TMEM11: variants seen among roughly 807,000 people sequenced by gnomAD.
TMEM11 encodes the protein transmembrane protein 11, mitochondrial.
TMEM11 carries 1 observed loss-of-function variant against 17.0 expected under a neutral mutation model. The ratio of observed to expected loss-of-function variants is 0.06; its 90% CI spans 0.02 to 0.28. TMEM11 has a LOEUF of 0.28. TMEM11 is among the 10% of genes least tolerant of loss of function. The probability of loss-of-function intolerance (pLI) is 1.00; values close to 1 mark genes in which losing one functional copy is unlikely to be tolerated. For synonymous variants in TMEM11, 122 were observed against 118.1 expected, an observed-to-expected ratio of 1.03 and a Z score of -0.21; for missense variants, 172 against 252.9, an observed-to-expected ratio of 0.68 and a Z score of 2.17.
Position 21,198,451 on chromosome 17 carries a change from A to T in TMEM11, c.452T>A (p.Leu151His). The T allele has an allele frequency of 6.2e-7, 1 of 1,614,180 alleles. No homozygotes were observed. The highest frequency in any genetic ancestry group is 8.5e-7 in the Non-Finnish European group (1 of 1,180,042). ...CAGCACCACCGGGGTGGAGGAGGTG[A>T]GTGTGTGCAGAGGCAGGCGCGACAG... ...YKLSRLPLHT[L>H]TSSTPVVLVR... Residue 151 changes from leucine to histidine, a missense_variant, in exon 2 of 2, where the codon CTC (leucine) becomes CAC (histidine). Leu to His is a moderately conservative substitution (Grantham distance 99, BLOSUM62 -3). Coordinates refer to ENST00000317635, the MANE Select transcript of TMEM11 (RefSeq NM_003876.3). The surrounding 1 kb of genome is among the most constrained non-coding windows in gnomAD (Gnocchi z 6.5).
chr17:21,201,247 A>G (rs1006061943), intron 1 of TMEM11, among the ~76,000 whole-genome samples: 2 of 152,270 alleles, frequency 1.3e-5, no homozygotes, highest in African/African-American at 4.8e-5. Flanking sequence ...CCACTTTCAT[A>G]AAAGGCACTG....
rs373174342 is a variant in TMEM11, at chr17:21,198,652, G to A, written c.251C>T (p.Thr84Met). 16 of 1,613,960 alleles carry A rather than the reference G, an allele frequency of 9.9e-6. No individual in the cohort carries two copies. The Admixed American group carries it at 1.0e-4, about 10-fold the overall frequency. Residue 84 changes from threonine to methionine, a missense_variant, in exon 2 of 2, where the codon ACG becomes ATG. This residue lies in a region of TMEM11 where 123 missense variants were observed against 213.6 expected (regional missense o/e 0.58). Coordinates refer to ENST00000317635, the MANE Select transcript of TMEM11 (RefSeq NM_003876.3). The surrounding 1 kb of genome is among the most constrained non-coding windows in gnomAD (Gnocchi z 6.5). ...WITVGNCLHK[T>M]AVLAGTACLF... Reference sequence around the variant, plus strand: ...GCAGGCGGTGCCCGCCAGCACGGCCGTCTTGTGCAGGCAGTTGCCCACGGT... The same window carrying A: ...GCAGGCGGTGCCCGCCAGCACGGCCATCTTGTGCAGGCAGTTGCCCACGGT...
intron 1 of TMEM11, among the ~76,000 whole-genome samples, chr17:21,200,785 G>A (rs73982535): frequency 0.01 from 1,527 of 152,332 alleles, 32 homozygotes; most frequent in African/African-American, 0.035. Flanking sequence ...CGAAGGTCCC[G>A]TCCGCCCAGC....
At position 21,198,784 on chromosome 17, in the gene TMEM11, T is replaced by TTCTCCCCATTGTAGATCTCATGCAC; in HGVS notation, c.94_118dup (p.Asn40SerfsTer3). The TTCTCCCCATTGTAGATCTCATGCAC allele has an allele frequency of 6.2e-7, 1 of 1,613,970 alleles. No individual in the cohort carries two copies. Among genetic ancestry groups the TTCTCCCCATTGTAGATCTCATGCAC allele is most frequent in the Non-Finnish European group, 8.5e-7 (1 of 1,180,028 alleles). On this transcript the variant is annotated stop_gained and frameshift_variant, in exon 2 of 2. Transcript: ENST00000317635. LOFTEE classifies it high-confidence loss of function. The surrounding 1 kb of genome is among the most constrained non-coding windows in gnomAD (Gnocchi z 6.5). ...CTCGTACTCAAACTGGTCTTGGGCATTCTCCCCATTGTAGATCTCATGCAC... is the reference window on the plus strand; with the variant it reads ...CTCGTACTCAAACTGGTCTTGGGCATTCTCCCCATTGTAGATCTCATGCACTCTCCCCATTGTAGATCTCATGCAC...
chr17:21,211,325 T>C (rs1975001006), intron 1 of TMEM11: 1 of 893,470 alleles, frequency 1.1e-6, no homozygotes, highest in East Asian at 6.3e-5. Context: ...ACTGTCCATA[T>C]CATAACTTTC....
Position 21,214,082 on chromosome 17 carries a change from G to A in TMEM11, c.62+9C>T, listed in dbSNP as rs769910703. The A allele has an allele frequency of 7.5e-6, 12 of 1,608,834 alleles. No homozygotes were observed. The highest frequency in any genetic ancestry group is 3.3e-5 in the Admixed American group (2 of 59,838). On this transcript the variant is annotated intron_variant, in intron 1 of 1. Coordinates refer to ENST00000317635, the MANE Select transcript of TMEM11 (RefSeq NM_003876.3). ...CCTGCACTGGGGGCAACAAGCCCTTGGATCTCACCTCTCTCGGGCGCTGCC... is the reference window on the plus strand; with the variant it reads ...CCTGCACTGGGGGCAACAAGCCCTTAGATCTCACCTCTCTCGGGCGCTGCC...
At chr17:21,201,169 A>G (rs532968455) in intron 1 of TMEM11, among the ~76,000 whole-genome samples, 1 of 152,374 alleles carries the variant, frequency 6.6e-6, no homozygotes, top group African/African-American at 2.4e-5. Context: ...ATTAAAGATG[A>G]AAGTCATTGG....
intron 1 of TMEM11, among the ~76,000 whole-genome samples, chr17:21,209,879 C>T (rs1180948157): frequency 6.6e-6 from 1 of 152,212 alleles, no homozygotes; most frequent in Non-Finnish European, 1.5e-5. Context: ...GAAACTCCTA[C>T]TGGACAGCCC....
intron 1 of TMEM11, 53 bp downstream of exon 1, chr17:21,214,038 C>A: frequency 9.7e-6 from 15 of 1,551,030 alleles, no homozygotes; most frequent in Non-Finnish European, 1.3e-5. Context: ...CCGCGCTGGG[C>A]TCTCCGGCCG....
chr17:21,212,105 C>T (rs959177300), intron 1 of TMEM11, among the ~76,000 whole-genome samples: 2 of 152,034 alleles, frequency 1.3e-5, no homozygotes, highest in African/African-American at 2.4e-5. Context: ...AAGCTGGGCT[C>T]GGGGAAATGA....
intron 1 of TMEM11, among the ~76,000 whole-genome samples, chr17:21,200,872 T>C (rs762118273): frequency 3.3e-5 from 5 of 152,166 alleles, no homozygotes; most frequent in Non-Finnish European, 5.9e-5. Context: ...TTGGCCGTAA[T>C]ATGGGAGTGA....
chr17:21,213,407 A>T (rs1377001514), intron 1 of TMEM11: 1 of 152,274 alleles, frequency 6.6e-6, no homozygotes, highest in Non-Finnish European at 1.5e-5. Flanking sequence ...ATTCAAATGG[A>T]GGTCCCTGTT....
Position 21,202,567 on chromosome 17 carries a change from C to T in TMEM11, c.63-3727G>A, listed in dbSNP as rs548332534. ...AGTGGGCAGATCCCACCCCCTCACC[C>T]CCTCCGGCCCCCCTGCAAGCCCAGC... is the stretch of plus-strand genomic sequence containing the variant. On this transcript the variant is annotated intron_variant, in intron 1 of 1. Transcript: ENST00000317635. Among the ~76,000 whole-genome samples the T allele has an allele frequency of 1.6e-4, 25 of 152,258 alleles. No individual in the cohort carries two copies. The South Asian group carries it at 4.8e-3, about 29-fold the overall frequency.
At chr17:21,207,525 C>T (rs561479090) in intron 1 of TMEM11, among the ~76,000 whole-genome samples, 11 of 151,022 alleles carry the variant, frequency 7.3e-5, no homozygotes. Context: ...GAGAGTCCGT[C>T]TCAATAATAT....
At chr17:21,203,706 A>AAAAG (rs141539958) in intron 1 of TMEM11, among the ~76,000 whole-genome samples, 4,636 of 151,896 alleles carry the variant, frequency 0.031, 239 homozygotes, top group African/African-American at 0.1. Flanking sequence ...AAAAAAAGAA[A>AAAAG]AAAAAAGAAA....
chr17:21,199,328 G>GAATAAAAAAAA (rs1974856421), intron 1 of TMEM11, among the ~76,000 whole-genome samples: 1 of 78,310 alleles, frequency 1.3e-5, no homozygotes, highest in Non-Finnish European at 2.3e-5. Flanking sequence ...CTCAGTCTCA[G>GAATAAAAAAAA]AAAAAAAAAA....
In TMEM11 at chr17:21,198,274, TTG is replaced by T; in HGVS notation, c.*48_*49del. 6.4e-7 allele frequency: 1 copy of T among 1,570,488 alleles called. No individual in the cohort carries two copies. Among genetic ancestry groups the T allele is most frequent in the African/African-American group, 1.3e-5 (1 of 74,116 alleles). On this transcript the variant is annotated 3_prime_UTR_variant, in exon 2 of 2. Coordinates refer to ENST00000317635, the MANE Select transcript of TMEM11 (RefSeq NM_003876.3). This position sits in a 1 kb window ranked among gnomAD's most constrained non-coding sequence, Gnocchi z 6.5. ...AGAGTGTGGCGATCTGAATACTCTG[TTG>T]TCTCTTGTGGGCCGGGTGGTTTTGC...
rs760216778 is a variant in TMEM11, at chr17:21,198,945, C to T, written c.63-105G>A. ...GCGCTGGGGGAGGTCTGAGCCTGCA[C>T]TGCGGAGAGCACATCTCACTTGGGT... On this transcript the variant is annotated intron_variant, in intron 1 of 1. Transcript: ENST00000317635. The surrounding 1 kb of genome is among the most constrained non-coding windows in gnomAD (Gnocchi z 6.5). The T allele has an allele frequency of 4.0e-6, 5 of 1,235,574 alleles. No homozygotes were observed. The highest frequency in any genetic ancestry group is 4.4e-6 in the Non-Finnish European group (4 of 899,422). The allele number at this position is 1,235,574 out of a possible 1,614,324, so 76.5% of individuals were successfully genotyped here.
In TMEM11 at chr17:21,198,355, AC is replaced by A; in HGVS notation, c.547del (p.Val183Ter). ...TIALAALVYC[V>X]KKIYELYAV ...GGCATAGAGTTCGTAAATCTTCTTTACACAGTACACCAGGGCGGCCAGTGCT... is the reference window on the plus strand; with the variant it reads ...GGCATAGAGTTCGTAAATCTTCTTTAACAGTACACCAGGGCGGCCAGTGCT... On this transcript the variant is annotated frameshift_variant, in exon 2 of 2. Coordinates refer to ENST00000317635, the MANE Select transcript of TMEM11 (RefSeq NM_003876.3). LOFTEE classifies it high-confidence loss of function. The surrounding 1 kb of genome is among the most constrained non-coding windows in gnomAD (Gnocchi z 6.5). 1 of 1,614,086 alleles carries A rather than the reference AC, an allele frequency of 6.2e-7. No homozygotes were observed. Among genetic ancestry groups the A allele is most frequent in the Non-Finnish European group, 8.5e-7 (1 of 1,180,000 alleles).
Sources: gnomAD v4.1 joint callset for allele counts (sites outside exome capture counted in the v4.1 genomes callset) on GRCh38, gnomAD v4.1.1 for gene constraint, gnomAD v4.1.1 regional missense constraint, Gnocchi (gnomAD v3.1) non-coding constraint, MANE v1.5 for transcripts, NCBI Gene and HGNC (gene_info 2026-07-23, HGNC 2026-07-21) for gene names.